CFAP69: variants seen among roughly 807,000 people sequenced by gnomAD.
CFAP69 encodes the protein cilia- and flagella-associated protein 69.
Under a neutral mutation model 123.0 loss-of-function variants are expected in CFAP69, and 92 were observed. The observed-to-expected ratio is 0.75, with a 90% CI of 0.63 to 0.89. The LOEUF is 0.89. Among genes scored for constraint, CFAP69 ranks in the 40% least tolerant of loss-of-function variants. The pLI is 0.00. For synonymous variants in CFAP69, 380 were observed against 364.3 expected (o/e 1.04, Z -0.49); for missense variants, 1,067 against 1,096.9 (o/e 0.97, Z 0.39).
chr7:90,322,258 A>G, the CFAP69 span: 1 of 152,370 alleles, frequency 6.6e-6, no homozygotes, highest in Non-Finnish European at 1.5e-5. Context: ...CAGAACTGAG[A>G]AAAGGGGAAG....
chr7:90,261,890 G>T lies in CFAP69; in HGVS notation c.247-57G>T, dbSNP rs936616149. ...ACTTTCTTCACAGAAATACTATAAAGAATATGTTAATAAAGATATTAATCT... is the reference window on the plus strand; with the variant it reads ...ACTTTCTTCACAGAAATACTATAAATAATATGTTAATAAAGATATTAATCT... On this transcript the variant is annotated intron_variant, in intron 3 of 22. Coordinates refer to ENST00000389297, the MANE Select transcript of CFAP69 (RefSeq NM_001039706.3). 14 of 929,714 alleles carry T rather than the reference G, an allele frequency of 1.5e-5. No homozygotes were observed. The East Asian group carries it at 4.1e-4, about 27-fold the overall frequency. The allele number at this position is 929,714 out of a possible 1,614,324, so 57.6% of individuals were successfully genotyped here.
intron 1 of CFAP69, among the ~76,000 whole-genome samples, chr7:90,252,484 A>G (rs1797149681): frequency 6.6e-6 from 1 of 152,122 alleles, no homozygotes; most frequent in South Asian, 2.1e-4. Context: ...CCTGGGCAAC[A>G]TGGCGACACT....
At position 90,245,391 on chromosome 7, in the gene CFAP69, G is replaced by C; in HGVS notation, c.-34G>C. 1 of 1,507,538 alleles carries C rather than the reference G, an allele frequency of 6.6e-7. No homozygotes were observed. The highest frequency in any genetic ancestry group is 1.3e-5 in the South Asian group (1 of 78,464). The allele number at this position is 1,507,538 out of a possible 1,614,324, so 93.4% of individuals were successfully genotyped here. A position where few individuals can be genotyped will look rare whatever the true frequency, so the allele number is the denominator to read the frequency against. On this transcript the variant is annotated 5_prime_UTR_variant, in exon 1 of 23. Transcript: ENST00000389297. ...CTGCGGGCGCACTGTAGGACAGGAA[G>C]ATCCCCCCACTCTCCACCCCGCCGC...
At chr7:90,250,403 A>C (rs1796873459) in intron 1 of CFAP69, among the ~76,000 whole-genome samples, 1 of 152,178 alleles carries the variant, frequency 6.6e-6, no homozygotes, top group Non-Finnish European at 1.5e-5. Context: ...TGCTACCTTT[A>C]CTTGGTAGAT....
At chr7:90,248,269 A>G (rs547360465) in intron 1 of CFAP69, among the ~76,000 whole-genome samples, 2 of 152,342 alleles carry the variant, frequency 1.3e-5, no homozygotes, top group South Asian at 4.1e-4. Context: ...TGAACCTTTC[A>G]GTTACCCTAA....
At chr7:90,296,975 T>A (rs1792080434) in intron 15 of CFAP69, among the ~76,000 whole-genome samples, 2 of 152,206 alleles carry the variant, frequency 1.3e-5, no homozygotes, top group South Asian at 4.1e-4. Context: ...CGGACTTAGT[T>A]AAATCTCTCC....
intron 21 of CFAP69, among the ~76,000 whole-genome samples, chr7:90,308,149 A>G (rs1202987339): frequency 2.0e-5 from 3 of 152,168 alleles, no homozygotes; most frequent in African/African-American, 7.2e-5. Context: ...TCTGCTTTCC[A>G]TTCTGAACCT....
chr7:90,292,438 T>A (rs930702205), intron 15 of CFAP69, among the ~76,000 whole-genome samples: 21 of 152,178 alleles, frequency 1.4e-4, no homozygotes, highest in Non-Finnish European at 1.9e-4. Context: ...CAAGTCTGAT[T>A]CCTCAAAGCA....
At position 90,277,329 on chromosome 7, in the gene CFAP69, G is replaced by A. The variant is rs765755469; in HGVS notation, c.1150G>A (p.Val384Ile). The change falls in exon 11 of 23, where the codon GTA becomes ATA. Residue 384 changes from valine to isoleucine, a missense_variant. Physicochemically the swap from Val to Ile is conservative, Grantham distance 29 (BLOSUM62 3). Coordinates refer to ENST00000389297, the MANE Select transcript of CFAP69 (RefSeq NM_001039706.3). ...IVILCKDLPTVQLLIDGKVIL... is the reference protein window; with the variant it reads ...IVILCKDLPTIQLLIDGKVIL... Reference sequence around the variant, plus strand: ...GATCTTATGTAAAGATTTACCTACTGTACAGGTAAAGAGTAATCAAGGCAG... The same window carrying A: ...GATCTTATGTAAAGATTTACCTACTATACAGGTAAAGAGTAATCAAGGCAG... The A allele has an allele frequency of 2.1e-5, 33 of 1,546,736 alleles. No individual in the cohort carries two copies. The highest frequency in any genetic ancestry group is 2.9e-5 in the Non-Finnish European group (33 of 1,151,604).
intron 8 of CFAP69, among the ~76,000 whole-genome samples, chr7:90,273,410 A>G (rs1009254549): frequency 3.9e-5 from 6 of 152,172 alleles, no homozygotes; most frequent in African/African-American, 1.4e-4. Context: ...AAGGAAAATG[A>G]CATGATTGAA....
chr7:90,246,400 G>A (rs781560778), intron 1 of CFAP69, among the ~76,000 whole-genome samples: 2 of 152,182 alleles, frequency 1.3e-5, no homozygotes, highest in African/African-American at 4.8e-5. Context: ...GGGAATTCCT[G>A]TTGAGGCTTC....
chr7:90,303,983 C>T lies in CFAP69; in HGVS notation c.2065C>T (p.Leu689=), dbSNP rs548148197. ...CCAATGATTAGATACAAAAAAACCT[C>T]TATTTACTAGCTTTCAAGAAGAGCA... ...NGKIIDTKKP[L]FTSFQEEQKI... Residue 689 remains leucine (L), a synonymous_variant, in exon 18 of 23, where the codon CTA becomes TTA. Coordinates refer to ENST00000389297, the MANE Select transcript of CFAP69 (RefSeq NM_001039706.3). 1.3e-6 allele frequency: 2 copies of T among 1,549,444 alleles called. No homozygotes were observed. The highest frequency in any genetic ancestry group is 2.7e-5 in the African/African-American group (2 of 73,066).
chr7:90,267,059 A>T (rs1440596379), intron 5 of CFAP69, among the ~76,000 whole-genome samples: 1 of 152,204 alleles, frequency 6.6e-6, no homozygotes, highest in African/African-American at 2.4e-5. Flanking sequence ...AAGCCTGCAT[A>T]TTTGGATAGT....
At chr7:90,261,600 T>A (rs2116743855) in intron 3 of CFAP69, among the ~76,000 whole-genome samples, 1 of 152,268 alleles carries the variant, frequency 6.6e-6, no homozygotes, top group Admixed American at 6.5e-5. Context: ...AGGGTATAAT[T>A]GAGCCTAATC....
At chr7:90,262,341 T>G (rs1584352276) in intron 4 of CFAP69, among the ~76,000 whole-genome samples, 1 of 152,342 alleles carries the variant, frequency 6.6e-6, no homozygotes, top group East Asian at 1.9e-4. Context: ...GGAATTATAG[T>G]ATTTTCAGAA....
intron 1 of CFAP69, among the ~76,000 whole-genome samples, chr7:90,252,900 A>T (rs1335504816): frequency 1.3e-5 from 2 of 152,206 alleles, no homozygotes; most frequent in Non-Finnish European, 2.9e-5. Flanking sequence ...ATGAATAATG[A>T]TTATGTAGAA....
At chr7:90,319,568 C>T in the CFAP69 span, 16 of 398,568 alleles carry the variant, frequency 4.0e-5, no homozygotes, top group South Asian at 1.9e-3. Flanking sequence ...ATCTTGAGTT[C>T]CTTGAGATCT....
chr7:90,275,624 C>G (rs1277494052), intron 9 of CFAP69, among the ~76,000 whole-genome samples: 1 of 73,884 alleles, frequency 1.4e-5, no homozygotes, highest in Non-Finnish European at 2.4e-5. Context: ...TTTTTTGAGA[C>G]GGAATCTTGC....
intron 8 of CFAP69, chr7:90,272,352 T>G (rs889913811): frequency 4.4e-5 from 7 of 160,072 alleles, no homozygotes; most frequent in Non-Finnish European, 6.8e-5. Flanking sequence ...CAACAAATAA[T>G]TGTCTGCTCT....
Sources: allele counts gnomAD v4.1 joint callset (sites outside exome capture counted in the v4.1 genomes callset), GRCh38; gene constraint gnomAD v4.1.1; transcripts MANE v1.5; gene names NCBI Gene and HGNC (gene_info 2026-07-23, HGNC 2026-07-21).